AHR: variants seen among roughly 807,000 people sequenced by gnomAD.
The protein encoded by AHR is AH-receptor.
AHR carries 40 observed loss-of-function variants against 86.8 expected under a neutral mutation model. The observed-to-expected ratio is 0.46, with a 90% CI of 0.36 to 0.60. AHR has a LOEUF of 0.60. Ranked by LOEUF, AHR falls within the 20% of genes least tolerant of loss-of-function variation. The probability of loss-of-function intolerance (pLI) is 0.00; values close to 1 mark genes in which losing one functional copy is unlikely to be tolerated. For synonymous variants in AHR, 398 were observed against 354.9 expected (o/e 1.12, Z -1.37); for missense variants, 1,001 against 1,011.6 (o/e 0.99, Z 0.14).
At chr7:17,313,648 CAT>C (rs199952674) in intron 2 of AHR, among the ~76,000 whole-genome samples, 1,641 of 152,104 alleles carry the variant, frequency 0.011, 10 homozygotes, top group Non-Finnish European at 0.018. Context: ...TTAATTAAAA[CAT>C]ATTGAAATAT....
chr7:17,334,992 C>G lies in AHR; in HGVS notation c.1014C>G (p.Ile338Met). The G allele has an allele frequency of 6.2e-7, 1 of 1,611,294 alleles. No homozygotes were observed. The highest frequency in any genetic ancestry group is 8.5e-7 in the Non-Finnish European group (1 of 1,178,072). ...ADMLYCAESH[I>M]RMIKTGESGM... ...TGCTTTATTGTGCCGAGTCCCATATCCGAAGTAAGTTGTAGTTCCTTATGA... is the reference window on the plus strand; with the variant it reads ...TGCTTTATTGTGCCGAGTCCCATATGCGAAGTAAGTTGTAGTTCCTTATGA... Residue 338 changes from isoleucine (I) to methionine (M), a missense_variant, in exon 8 of 11, where the codon ATC becomes ATG. By Grantham distance (10) the Ile-to-Met change is conservative (BLOSUM62 1). Coordinates refer to ENST00000242057, the MANE Select transcript of AHR (RefSeq NM_001621.5).
chr7:17,317,488 G>A (rs746340086), intron 2 of AHR, among the ~76,000 whole-genome samples: 14 of 152,190 alleles, frequency 9.2e-5, no homozygotes, highest in South Asian at 6.2e-4. Flanking sequence ...ATTATTTCCC[G>A]AAGAAGTTCA....
intron 9 of AHR, among the ~76,000 whole-genome samples, chr7:17,337,714 A>G (rs1222728994): frequency 3.3e-5 from 5 of 150,212 alleles, no homozygotes; most frequent in African/African-American, 7.3e-5. Context: ...TGACCTCGTG[A>G]TCCGCCCGCC....
chr7:17,301,129 A>G (rs1049839716), intron 1 of AHR, among the ~76,000 whole-genome samples: 2 of 152,066 alleles, frequency 1.3e-5, no homozygotes, highest in Non-Finnish European at 2.9e-5. Flanking sequence ...TTTTGTTAGC[A>G]TAGATGTTTA....
chr7:17,345,570 C>A lies in AHR; in HGVS notation c.*2506C>A, dbSNP rs1013507855. ...TACATTTAAACCTTTTATTATAAGT[C>A]TTACATAAACCATTTTTGTTACTCT... On this transcript the variant is annotated 3_prime_UTR_variant, in exon 11 of 11. Transcript: ENST00000242057. The A allele has an allele frequency of 2.0e-5, 3 of 152,548 alleles. No individual in the cohort carries two copies. Among genetic ancestry groups the A allele is most frequent in the Non-Finnish European group, 2.9e-5 (2 of 68,014 alleles). 9.4% of individuals were successfully genotyped at this position (152,548 alleles called of 1,614,324 possible).
chr7:17,333,035 A>G (rs1454911541), intron 6 of AHR, among the ~76,000 whole-genome samples: 1 of 152,038 alleles, frequency 6.6e-6, no homozygotes, highest in African/African-American at 2.4e-5. Context: ...TGCTTTAAGT[A>G]TTCAGTACGA....
At chr7:17,332,215 T>C (rs1265749295) in intron 6 of AHR, among the ~76,000 whole-genome samples, 1 of 152,002 alleles carries the variant, frequency 6.6e-6, no homozygotes, top group Non-Finnish European at 1.5e-5. Flanking sequence ...TTATATATGA[T>C]ACATAATACT....
intron 10 of AHR, 47 bp from the exon 11 acceptor site, chr7:17,342,874 C>A (rs1472109301): frequency 6.4e-7 from 1 of 1,559,040 alleles, no homozygotes; most frequent in South Asian, 1.1e-5. Flanking sequence ...GCTTAAGATA[C>A]TTGGAAGATC....
Position 17,310,083 on chromosome 7 carries a change from G to A in AHR, c.213G>A (p.Arg71=), listed in dbSNP as rs756306665. 4 of 1,613,748 alleles carry A rather than the reference G, an allele frequency of 2.5e-6. No individual in the cohort carries two copies. In the African/African-American group the frequency reaches 5.3e-5, roughly 22 times the overall value. The change falls in exon 2 of 11, where the codon AGG becomes AGA. Residue 71 remains arginine (R), a synonymous_variant. Transcript: ENST00000242057. ...AGTTGGACAAACTTTCAGTTCTTAG[G>A]CTCAGCGTCAGTTACCTGAGAGCCA... ...INKLDKLSVL[R]LSVSYLRAKS...
rs566849926 is a variant in AHR, at chr7:17,331,985, G to A, written c.705+1099G>A. ...ATTATGCTTTGAGACAGTTTTCCCA[G>A]TGTTATTGCTCATGAACAATTAGTA... On this transcript the variant is annotated intron_variant, in intron 6 of 10. Transcript: ENST00000242057. 9.9e-5 allele frequency among the ~76,000 whole-genome samples: 15 copies of A among 152,056 alleles called. 1 individual carries two copies. The highest frequency in any genetic ancestry group is 3.6e-4 in the African/African-American group (15 of 41,524).
chr7:17,331,732 G>C (rs1782297511), intron 6 of AHR, among the ~76,000 whole-genome samples: 1 of 151,948 alleles, frequency 6.6e-6, no homozygotes, highest in Admixed American at 6.6e-5. Context: ...GGAGTTGACT[G>C]TAGGGAACAG....
intron 1 of AHR, among the ~76,000 whole-genome samples, chr7:17,306,407 A>T (rs1337224642): frequency 1.3e-5 from 2 of 152,188 alleles, no homozygotes; most frequent in African/African-American, 4.8e-5. Flanking sequence ...ACATTTTAAA[A>T]GCTTCAAATC....
intron 2 of AHR, among the ~76,000 whole-genome samples, chr7:17,317,190 G>T (rs1190013495): frequency 2.0e-5 from 2 of 98,502 alleles, no homozygotes; most frequent in East Asian, 3.2e-4. Context: ...GAATCCCTTT[G>T]TTTAATTAAT....
At chr7:17,309,591 T>A (rs376064919) in intron 1 of AHR, among the ~76,000 whole-genome samples, 4 of 152,212 alleles carry the variant, frequency 2.6e-5, no homozygotes, top group African/African-American at 9.6e-5. Flanking sequence ...CAAATTTCTC[T>A]TTTTAATTTT....
intron 2 of AHR, among the ~76,000 whole-genome samples, chr7:17,313,069 AG>A (rs1254153915): frequency 1.3e-5 from 2 of 152,154 alleles, no homozygotes; most frequent in African/African-American, 4.8e-5. Context: ...ATTCAGCCTA[AG>A]CAGTTTCTTA....
At chr7:17,311,430 A>G (rs767253814) in intron 2 of AHR, among the ~76,000 whole-genome samples, 1 of 152,220 alleles carries the variant, frequency 6.6e-6, no homozygotes, top group Non-Finnish European at 1.5e-5. Context: ...CCTAGACAAC[A>G]CGTTTATGGA....
At chr7:17,336,461 A>G (rs1157415873) in intron 9 of AHR, among the ~76,000 whole-genome samples, 2 of 152,066 alleles carry the variant, frequency 1.3e-5, no homozygotes, top group African/African-American at 2.4e-5. Flanking sequence ...ATATATTTCT[A>G]TGTCAGAGTG....
intron 3 of AHR, among the ~76,000 whole-genome samples, chr7:17,324,065 A>G (rs1264059784): frequency 6.6e-6 from 1 of 152,336 alleles, no homozygotes; most frequent in East Asian, 1.9e-4. Context: ...TACATACCCT[A>G]TGTCAGGGAA....
At chr7:17,330,326 A>G (rs1457983946) in intron 5 of AHR, among the ~76,000 whole-genome samples, 2 of 151,950 alleles carry the variant, frequency 1.3e-5, no homozygotes, top group Non-Finnish European at 2.9e-5. Context: ...TTTTATAAAA[A>G]TAAGTAGTAC....
Sources: gnomAD v4.1 joint callset for allele counts (sites outside exome capture counted in the v4.1 genomes callset) on GRCh38, gnomAD v4.1.1 for gene constraint, MANE v1.5 for transcripts, NCBI Gene and HGNC (gene_info 2026-07-23, HGNC 2026-07-21) for gene names.